The following SLC27A6 variants were observed in gnomAD, a reference collection of about 807,000 sequenced individuals.
SLC27A6 encodes long-chain fatty acid transport protein 6.
A neutral mutation model predicts 63.9 loss-of-function variants in SLC27A6; 74 were observed. The observed-to-expected ratio is 1.16, with a 90% confidence interval of 0.96 to 1.40. SLC27A6 has a LOEUF of 1.40. Among genes scored for constraint, SLC27A6 ranks in the 40% most tolerant of loss-of-function variants. The pLI is 0.00. For synonymous variants in SLC27A6, 287 were observed against 260.8 expected, an observed-to-expected ratio of 1.10 and a Z score of -0.97; for missense variants, 794 against 732.9, an observed-to-expected ratio of 1.08 and a Z score of -0.96.
At chr5:128,993,958 A>G (rs1224958871) in intron 4 of SLC27A6, among the ~76,000 whole-genome samples, 1 of 152,132 alleles carries the variant, frequency 6.6e-6, no homozygotes, top group African/African-American at 2.4e-5. Context: ...ATACAAAATT[A>G]TGTTTTTGTA....
At chr5:128,997,770 G>A (rs1751207237) in intron 4 of SLC27A6, among the ~76,000 whole-genome samples, 1 of 152,162 alleles carries the variant, frequency 6.6e-6, no homozygotes, top group South Asian at 2.1e-4. Context: ...CCATCTGATA[G>A]TGCATTGGCT....
chr5:128,998,463 C>A (rs1751231479), intron 4 of SLC27A6, among the ~76,000 whole-genome samples: 1 of 151,384 alleles, frequency 6.6e-6, no homozygotes, highest in Non-Finnish European at 1.5e-5. Context: ...TTACATAATA[C>A]TGATTGTAAA....
chr5:128,972,390 C>G (rs1022841223), intron 1 of SLC27A6, among the ~76,000 whole-genome samples: 1 of 152,206 alleles, frequency 6.6e-6, no homozygotes, highest in African/African-American at 2.4e-5. Flanking sequence ...CCATCACTTT[C>G]ATGTACACCA....
At chr5:129,016,227 C>G in intron 5 of SLC27A6, 148 bp downstream of exon 5, 1 of 539,022 alleles carries the variant, frequency 1.9e-6, no homozygotes, top group Non-Finnish European at 3.2e-6. Flanking sequence ...CCTGTCTCTA[C>G]TAAAAATACA....
At chr5:129,026,987 A>C (rs1430510848) in intron 6 of SLC27A6, 146 bp from the exon 7 acceptor site, 1 of 643,446 alleles carries the variant, frequency 1.6e-6, no homozygotes, top group Non-Finnish European at 2.7e-6. Flanking sequence ...ACCAAGGGTA[A>C]ATGATGTCAA....
At chr5:128,981,803 C>CTTTCTTTTCTTTTCTTTTCT (rs145278558) in intron 1 of SLC27A6, among the ~76,000 whole-genome samples, 4 of 146,312 alleles carry the variant, frequency 2.7e-5, no homozygotes, top group African/African-American at 1.0e-4. Context: ...GAGTTTTTTT[C>CTTTCTTTTCTTTTCTTTTCT]TTTCTTTTCT....
At chr5:128,983,515 G>A (rs916538587) in intron 1 of SLC27A6, among the ~76,000 whole-genome samples, 32 of 151,830 alleles carry the variant, frequency 2.1e-4, no homozygotes, top group African/African-American at 6.0e-4. Context: ...GGCTGGTCTC[G>A]AACTCCTGAC....
intron 4 of SLC27A6, among the ~76,000 whole-genome samples, chr5:129,004,956 C>T (rs1751470401): frequency 6.6e-6 from 1 of 152,152 alleles, no homozygotes; most frequent in Admixed American, 6.6e-5. Flanking sequence ...TCTAGGTTCT[C>T]ATCATCATCA....
At chr5:129,000,215 C>G (rs758289894) in intron 4 of SLC27A6, among the ~76,000 whole-genome samples, 4 of 152,140 alleles carry the variant, frequency 2.6e-5, no homozygotes, top group African/African-American at 4.8e-5. Context: ...AAAGTGTCTT[C>G]TTTCACTGCT....
chr5:129,007,852 C>G (rs989717753), intron 4 of SLC27A6, among the ~76,000 whole-genome samples: 4 of 151,990 alleles, frequency 2.6e-5, no homozygotes, highest in Admixed American at 2.0e-4. Flanking sequence ...AACAATGTAG[C>G]AGTTCAAAAA....
At position 129,027,360 on chromosome 5, in the gene SLC27A6, G is replaced by T. The variant is rs1054535166; in HGVS notation, c.1454+29G>T. ...TGAAATGTTATGGGATCCATAGCTT[G>T]TTCTGTAATTGTGAACCATGCTTCT... is the stretch of plus-strand genomic sequence containing the variant. On this transcript the variant is annotated intron_variant, in intron 7 of 9. Coordinates refer to ENST00000262462, the MANE Select transcript of SLC27A6 (RefSeq NM_001017372.3). 2.6e-6 allele frequency: 4 copies of T among 1,522,102 alleles called. No individual in the cohort carries two copies. In the African/African-American group the frequency reaches 5.5e-5, roughly 21 times the overall value. 94.3% of individuals were successfully genotyped at this position (1,522,102 alleles called of 1,614,324 possible).
chr5:128,966,744 C>A, intron 1 of SLC27A6, 126 bp downstream of exon 1: 1 of 974,916 alleles, frequency 1.0e-6, no homozygotes, highest in African/African-American at 1.7e-5. Context: ...GTTAAGAGTA[C>A]AAAATAGTTT....
At chr5:128,990,903 G>A (rs901511456) in intron 4 of SLC27A6, among the ~76,000 whole-genome samples, 2 of 152,210 alleles carry the variant, frequency 1.3e-5, no homozygotes, top group African/African-American at 4.8e-5. Context: ...ACACCCTGCT[G>A]GATCTGGAGG....
chr5:128,988,050 A>G (rs1200734030), intron 2 of SLC27A6, among the ~76,000 whole-genome samples: 1 of 152,112 alleles, frequency 6.6e-6, no homozygotes, highest in African/African-American at 2.4e-5. Flanking sequence ...AAATAGAAAT[A>G]CCATGTTGCA....
intron 6 of SLC27A6, among the ~76,000 whole-genome samples, chr5:129,025,267 A>G (rs920993784): frequency 1.3e-5 from 2 of 152,158 alleles, no homozygotes; most frequent in African/African-American, 4.8e-5. Flanking sequence ...ACTGTGACCT[A>G]TTTAAACATT....
chr5:129,009,601 T>C (rs577492995), intron 4 of SLC27A6, among the ~76,000 whole-genome samples: 21 of 152,338 alleles, frequency 1.4e-4, no homozygotes, highest in African/African-American at 5.0e-4. Context: ...CCCATTTTTA[T>C]ATTTTAAATT....
intron 4 of SLC27A6, among the ~76,000 whole-genome samples, chr5:129,014,509 G>C (rs1014315024): frequency 3.9e-5 from 6 of 152,146 alleles, no homozygotes; most frequent in African/African-American, 1.4e-4. Context: ...TGCATGACCT[G>C]GGTGCCTTTC....
At chr5:129,008,861 A>T (rs1263005040) in intron 4 of SLC27A6, among the ~76,000 whole-genome samples, 1 of 147,064 alleles carries the variant, frequency 6.8e-6, no homozygotes, top group Non-Finnish European at 1.5e-5. Context: ...ATTATTTTCA[A>T]TTGATTTTTT....
intron 9 of SLC27A6, among the ~76,000 whole-genome samples, chr5:129,032,812 A>G (rs1181965): frequency 0.24 from 36,913 of 151,868 alleles, 5,715 homozygotes; most frequent in Non-Finnish European, 0.35. Flanking sequence ...TTATATTGGC[A>G]TTGAATTGAA....
Sources: allele counts gnomAD v4.1 joint callset (sites outside exome capture counted in the v4.1 genomes callset), GRCh38; gene constraint gnomAD v4.1.1; transcripts MANE v1.5; gene names NCBI Gene and HGNC (gene_info 2026-07-23, HGNC 2026-07-21).